ITPR3: variants seen among roughly 807,000 people sequenced by gnomAD.
The protein encoded by ITPR3 is inositol 1,4,5-trisphosphate receptor type 3.
A neutral mutation model predicts 293.2 loss-of-function variants in ITPR3; 173 were observed. The ratio of observed to expected loss-of-function variants is 0.59; its 90% confidence interval spans 0.52 to 0.67. ITPR3 has a LOEUF of 0.67. Ranked by LOEUF, ITPR3 falls within the 30% of genes least tolerant of loss-of-function variation. The probability of loss-of-function intolerance (pLI) is 0.00; values close to 1 mark genes in which losing one functional copy is unlikely to be tolerated. For synonymous variants in ITPR3, 1,295 were observed against 1,444.4 expected (o/e 0.90, Z 2.35); for missense variants, 2,796 against 3,592.1 (o/e 0.78, Z 5.66).
chr6:33,689,932 A>G (rs570260393), intron 50 of ITPR3, 102 bp from the exon 51 acceptor site: 61 of 1,399,190 alleles, frequency 4.4e-5, no homozygotes, highest in Middle Eastern at 4.0e-4. Flanking sequence ...AATTTCATTA[A>G]TGCCATGCCT....
In ITPR3 at chr6:33,679,817, C is replaced by G. The variant is rs4713653; in HGVS notation, c.3973-65C>G. ...GTCCCAGTTTCTCCCTGGTAAGCAA[C>G]GGAGAGGAGAGCCCAGGGCTTGCTG... On this transcript the variant is annotated intron_variant, in intron 30 of 57. Transcript: ENST00000605930. This position sits in a 1 kb window ranked among gnomAD's most constrained non-coding sequence, Gnocchi z 4.2. 87 of 1,546,158 alleles carry G rather than the reference C, an allele frequency of 5.6e-5. No homozygotes were observed. Among genetic ancestry groups the G allele is most frequent in the Non-Finnish European group, 7.3e-5 (83 of 1,142,070 alleles).
rs1005498404 is a variant in ITPR3, at chr6:33,621,830, C to T, written c.89+139C>T. On this transcript the variant is annotated intron_variant, in intron 1 of 57. Coordinates refer to ENST00000605930, the MANE Select transcript of ITPR3 (RefSeq NM_002224.4). The surrounding 1 kb of genome is among the most constrained non-coding windows in gnomAD (Gnocchi z 7.7). Reference sequence around the variant, plus strand: ...GTCTCAAGGAGCGGGAACGGCTCGCCTCCTTCTTTTACAGAAAGGAAGTGA... The same window carrying T: ...GTCTCAAGGAGCGGGAACGGCTCGCTTCCTTCTTTTACAGAAAGGAAGTGA... 9 of 655,738 alleles carry T rather than the reference C, an allele frequency of 1.4e-5. No homozygotes were observed. Among genetic ancestry groups the T allele is most frequent in the African/African-American group, 3.7e-5 (2 of 54,182 alleles). 40.6% of individuals were successfully genotyped at this position (655,738 alleles called of 1,614,324 possible). A position where few individuals can be genotyped will look rare whatever the true frequency, so the allele number is the denominator to read the frequency against.
At position 33,662,894 on chromosome 6, in the gene ITPR3, C is replaced by T. The variant is rs761805874; in HGVS notation, c.859-17C>T. On this transcript the variant is annotated splice_polypyrimidine_tract_variant and intron_variant, in intron 8 of 57. Transcript: ENST00000605930. ...TGTCCAGTCTCTCCTTCCTGCCTCA[C>T]ACCTGTGTGCCCCTAGGTGGTCCAC... 1.9e-6 allele frequency: 3 copies of T among 1,574,740 alleles called. No individual in the cohort carries two copies. The highest frequency in any genetic ancestry group is 2.6e-6 in the Non-Finnish European group (3 of 1,158,620).
In ITPR3 at chr6:33,689,287, C is replaced by T. The variant is rs1186091524; in HGVS notation, c.6744C>T (p.Cys2248=). The T allele has an allele frequency of 6.2e-7, 1 of 1,612,266 alleles. No homozygotes were observed. The highest frequency in any genetic ancestry group is 8.5e-7 in the Non-Finnish European group (1 of 1,180,016). The change falls in exon 50 of 58, where the codon TGC becomes TGT. Residue 2248 remains cysteine, a synonymous_variant. Coordinates refer to ENST00000605930, the MANE Select transcript of ITPR3 (RefSeq NM_002224.4). The stretch of plus-strand genomic sequence containing the variant: ...CATTGCTCTTCTGGATCCTCATCTG[C>T]TTCTCCATCGCGGCCCTGTTCACCA... The part of the protein sequence containing the change: ...LISLLFWILI[C]FSIAALFTKR...
At chr6:33,645,540 G>A (rs1357163414) in intron 2 of ITPR3, among the ~76,000 whole-genome samples, 3 of 152,188 alleles carry the variant, frequency 2.0e-5, no homozygotes, top group African/African-American at 7.2e-5. Context: ...CGATGCTGCA[G>A]TGAGCCTCCT....
chr6:33,624,433 A>G lies in ITPR3; in HGVS notation c.89+2742A>G, dbSNP rs1379644209. 6.6e-6 allele frequency among the ~76,000 whole-genome samples: 1 copy of G among 152,226 alleles called. No homozygotes were observed. Among genetic ancestry groups the G allele is most frequent in the African/African-American group, 2.4e-5 (1 of 41,450 alleles). ...TCAGTCCAGCAGCTTCAGCGTCACC[A>G]GGAAGTTTGTCAGAAATGCAGAATC... On this transcript the variant is annotated intron_variant, in intron 1 of 57. Transcript: ENST00000605930. The surrounding 1 kb of genome is among the most constrained non-coding windows in gnomAD (Gnocchi z 4.7).
rs1434409522 is a variant in ITPR3, at chr6:33,633,974, T to C, written c.90-6510T>C. ...CTCGCCCGGTGAGGCTCCCTCTCCA[T>C]GCAAACTTGCCTAACTTGTGTCCCG... is the stretch of plus-strand genomic sequence containing the variant. On this transcript the variant is annotated intron_variant, in intron 1 of 57. Coordinates refer to ENST00000605930, the MANE Select transcript of ITPR3 (RefSeq NM_002224.4). The surrounding 1 kb of genome is among the most constrained non-coding windows in gnomAD (Gnocchi z 5.2). 3.9e-5 allele frequency among the ~76,000 whole-genome samples: 6 copies of C among 152,084 alleles called. No individual in the cohort carries two copies. Among genetic ancestry groups the C allele is most frequent in the Non-Finnish European group, 7.4e-5 (5 of 67,964 alleles).
chr6:33,651,150 G>A (rs1019060666), intron 2 of ITPR3, among the ~76,000 whole-genome samples: 1 of 151,974 alleles, frequency 6.6e-6, no homozygotes, highest in Admixed American at 6.6e-5. Context: ...GGTGGCACGC[G>A]CCTGTAATCC....
At chr6:33,642,405 CAGAG>C (rs1257429466) in intron 2 of ITPR3, among the ~76,000 whole-genome samples, 1 of 151,838 alleles carries the variant, frequency 6.6e-6, no homozygotes, top group Non-Finnish European at 1.5e-5. Context: ...AACTTAGAGA[CAGAG>C]AGAAAGAGAG....
Position 33,663,069 on chromosome 6 carries a change from A to G in ITPR3, c.954+63A>G, listed in dbSNP as rs9366827. 1,192,303 of 1,412,984 alleles carry G rather than the reference A, an allele frequency of 0.84. 503,722 individuals are homozygous for G. The highest frequency in any genetic ancestry group is 0.93 in the South Asian group (76,132 of 81,446). The allele number at this position is 1,412,984 out of a possible 1,614,324, so 87.5% of individuals were successfully genotyped here. A position where few individuals can be genotyped will look rare whatever the true frequency, so the allele number is the denominator to read the frequency against. On this transcript the variant is annotated intron_variant, in intron 9 of 57. Transcript: ENST00000605930. Reference sequence around the variant, plus strand: ...TGCATGTACACGTGGGTGTGCGGGAACATGTGTGCACATACTTGCATATGT... The same window carrying G: ...TGCATGTACACGTGGGTGTGCGGGAGCATGTGTGCACATACTTGCATATGT...
At chr6:33,663,053 A>G (rs763036306) in intron 9 of ITPR3, 47 bp downstream of exon 9, 14 of 1,515,684 alleles carry the variant, frequency 9.2e-6, no homozygotes, top group Non-Finnish European at 5.4e-6. Flanking sequence ...GTGCATGTAC[A>G]CGTGGGTGTG....
At chr6:33,665,306 C>A in intron 13 of ITPR3, 93 bp downstream of exon 13, 1 of 1,494,882 alleles carries the variant, frequency 6.7e-7, no homozygotes, top group Non-Finnish European at 9.0e-7. Context: ...AGAAGCTGGG[C>A]AAACTGGGGA....
intron 16 of ITPR3, 139 bp downstream of exon 16, chr6:33,668,103 G>T: frequency 9.9e-7 from 1 of 1,011,562 alleles, no homozygotes; most frequent in Non-Finnish European, 1.4e-6. Flanking sequence ...GCTCAGCACT[G>T]GGAGGCCCTA....
intron 2 of ITPR3, among the ~76,000 whole-genome samples, chr6:33,651,379 C>T (rs1395703818): frequency 1.3e-5 from 2 of 152,032 alleles, no homozygotes; most frequent in East Asian, 1.9e-4. Flanking sequence ...CTGAGGGTCT[C>T]GCCAGTTCAA....
intron 2 of ITPR3, among the ~76,000 whole-genome samples, chr6:33,641,781 C>T (rs555939636): frequency 2.0e-5 from 3 of 152,256 alleles, no homozygotes; most frequent in South Asian, 4.1e-4. Flanking sequence ...CTGCCCTGAA[C>T]GTTCTTTCTC....
In ITPR3 at chr6:33,658,964, C is replaced by G; in HGVS notation, c.529-57C>G. On this transcript the variant is annotated intron_variant, in intron 5 of 57. Transcript: ENST00000605930. The surrounding 1 kb of genome is among the most constrained non-coding windows in gnomAD (Gnocchi z 6.1). ...CTGAGACCAAAGGGAGGCCTGGAGG[C>G]GTGGTGACAAGAGGGCCCTGCCCTT... The G allele has an allele frequency of 6.3e-7, 1 of 1,599,508 alleles. No homozygotes were observed. The highest frequency in any genetic ancestry group is 8.6e-7 in the Non-Finnish European group (1 of 1,167,372).
Position 33,655,752 on chromosome 6 carries a change from C to G in ITPR3, c.161-14C>G. On this transcript the variant is annotated splice_polypyrimidine_tract_variant and intron_variant, in intron 2 of 57. Coordinates refer to ENST00000605930, the MANE Select transcript of ITPR3 (RefSeq NM_002224.4). This position sits in a 1 kb window ranked among gnomAD's most constrained non-coding sequence, Gnocchi z 4.9. ...ATGAATCATTCCCCTCACCCCCAACCTGCCCCACCACAGACTGCCTCTTCA... is the reference window on the plus strand; with the variant it reads ...ATGAATCATTCCCCTCACCCCCAACGTGCCCCACCACAGACTGCCTCTTCA... 1 of 1,614,040 alleles carries G rather than the reference C, an allele frequency of 6.2e-7. No individual in the cohort carries two copies. The highest frequency in any genetic ancestry group is 1.3e-5 in the African/African-American group (1 of 75,042).
Position 33,670,521 on chromosome 6 carries a change from C to G in ITPR3, c.2386C>G (p.Pro796Ala). 2 of 1,613,852 alleles carry G rather than the reference C, an allele frequency of 1.2e-6. No homozygotes were observed. Among genetic ancestry groups the G allele is most frequent in the Non-Finnish European group, 1.7e-6 (2 of 1,179,978 alleles). The change falls in exon 19 of 58, where the codon CCG becomes GCG. Residue 796 changes from proline (P) to alanine (A), a missense_variant. Around this residue, in one of 8 missense-constraint regions of ITPR3, gnomAD observed 955 missense variants for 1,180.8 expected, o/e 0.81. Transcript: ENST00000605930. The surrounding 1 kb of genome is among the most constrained non-coding windows in gnomAD (Gnocchi z 6.7). ...VDRDPQELVT[P>A]VKFARLWTEI... ...CCGTGACCCCCAGGAGCTGGTCACGCCGGTCAAGTTTGCCCGTCTCTGGAC... is the reference window on the plus strand; with the variant it reads ...CCGTGACCCCCAGGAGCTGGTCACGGCGGTCAAGTTTGCCCGTCTCTGGAC...
intron 22 of ITPR3, 113 bp from the exon 23 acceptor site, chr6:33,673,478 C>G: frequency 7.2e-7 from 1 of 1,380,082 alleles, no homozygotes; most frequent in Admixed American, 2.0e-5. Context: ...GCCCCAAGTG[C>G]TAGAGCCTAT....
Sources: gnomAD v4.1 joint callset for allele counts (sites outside exome capture counted in the v4.1 genomes callset) on GRCh38, gnomAD v4.1.1 for gene constraint, gnomAD v4.1.1 regional missense constraint, Gnocchi (gnomAD v3.1) non-coding constraint, MANE v1.5 for transcripts, NCBI Gene and HGNC (gene_info 2026-07-23, HGNC 2026-07-21) for gene names.